The following MYO7A variants were observed in gnomAD, a reference collection of about 807,000 sequenced individuals.
MYO7A encodes myosin VIIA, also known as unconventional myosin-VIIa.
In MYO7A, 210 loss-of-function variants were observed where a neutral mutation model predicts 263.8. The observed-to-expected ratio is 0.80, with a 90% CI of 0.71 to 0.89. The LOEUF (loss-of-function observed/expected upper bound fraction) is 0.89, where lower values mean the gene tolerates loss of function less well. MYO7A is among the 40% of genes least tolerant of loss of function. The probability of loss-of-function intolerance (pLI) is 0.00; values close to 1 mark genes in which losing one functional copy is unlikely to be tolerated. For missense variants in MYO7A, 2,820 were observed against 2,968.3 expected, an observed-to-expected ratio of 0.95 and a Z score of 1.16; for synonymous variants, 1,239 against 1,197.3, an observed-to-expected ratio of 1.03 and a Z score of -0.72.
intron 20 of MYO7A, 39 bp from the exon 21 acceptor site, chr11:77,179,696 G>T: frequency 6.7e-7 from 1 of 1,493,508 alleles, no homozygotes; most frequent in Non-Finnish European, 9.0e-7. Context: ...GTCTGGAATG[G>T]GACAGCAGGC....
At chr11:77,206,726 C>T (rs1358177176) in intron 41 of MYO7A, among the ~76,000 whole-genome samples, 2 of 152,216 alleles carry the variant, frequency 1.3e-5, no homozygotes, top group Non-Finnish European at 2.9e-5. Flanking sequence ...CTGCCTGTCT[C>T]AACACAGTGT....
Position 77,157,351 on chromosome 11 carries a change from C to G in MYO7A, c.808C>G (p.Leu270Val). ...TATGAGTGAGGATCAGAAGAAGAAGCTGGGCTTGGGCCAGGCCTCTGACTA... is the reference window on the plus strand; with the variant it reads ...TATGAGTGAGGATCAGAAGAAGAAGGTGGGCTTGGGCCAGGCCTCTGACTA... Reference protein sequence around the residue: ...EGMSEDQKKKLGLGQASDYNY... With the variant: ...EGMSEDQKKKVGLGQASDYNY... The change falls in exon 8 of 49, where the codon CTG (leucine) becomes GTG (valine). Residue 270 changes from leucine to valine, a missense_variant. Transcript: ENST00000409709. 6.2e-7 allele frequency: 1 copy of G among 1,611,954 alleles called. No homozygotes were observed. Among genetic ancestry groups the G allele is most frequent in the Non-Finnish European group, 8.5e-7 (1 of 1,179,068 alleles).
At chr11:77,194,548 A>G (rs1358824358) in intron 32 of MYO7A, 24 bp downstream of exon 32, 1 of 1,570,738 alleles carries the variant, frequency 6.4e-7, no homozygotes, top group Non-Finnish European at 8.6e-7. Flanking sequence ...GAGGAGTCCT[A>G]GAGAAGGGAT....
At chr11:77,207,462 G>A (rs1957527741) in intron 42 of MYO7A, 60 bp downstream of exon 42, 1 of 1,202,730 alleles carries the variant, frequency 8.3e-7, no homozygotes, top group African/African-American at 1.5e-5. Context: ...GGAACTTACG[G>A]ACAGCAGACG....
rs1389547225 is a variant in MYO7A at position 77,182,064 on chromosome 11, C to T, written c.3018C>T (p.Ala1006=). 1.2e-6 allele frequency: 2 copies of T among 1,613,454 alleles called. No individual in the cohort carries two copies. The highest frequency in any genetic ancestry group is 1.3e-5 in the African/African-American group (1 of 74,994). ...LSEYKFAKFA[A]TYFQGTTTHS... is the part of the protein sequence containing the mutation. ...AGTATAAATTTGCCAAGTTCGCGGCCACCTACTTCCAGGGGACAACCACGC... is the reference window on the plus strand; with the variant it reads ...AGTATAAATTTGCCAAGTTCGCGGCTACCTACTTCCAGGGGACAACCACGC... Residue 1006 remains alanine, a synonymous_variant, in exon 24 of 49, where the codon GCC becomes GCT. Coordinates refer to ENST00000409709, the MANE Select transcript of MYO7A (RefSeq NM_000260.4).
intron 12 of MYO7A, 104 bp downstream of exon 12, chr11:77,161,219 C>G: frequency 1.5e-6 from 2 of 1,368,672 alleles, no homozygotes; most frequent in Non-Finnish European, 2.0e-6. Context: ...TCCTGGCACA[C>G]TCTGCCAGGC....
intron 37 of MYO7A, 59 bp from the exon 38 acceptor site, chr11:77,203,001 G>A: frequency 6.5e-7 from 1 of 1,531,586 alleles, no homozygotes; most frequent in African/African-American, 1.4e-5. Flanking sequence ...ACAACCTGGG[G>A]GTTTCTCCCC....
At chr11:77,178,020 G>A (rs1252301058) in intron 19 of MYO7A, among the ~76,000 whole-genome samples, 1 of 151,780 alleles carries the variant, frequency 6.6e-6, no homozygotes, top group Non-Finnish European at 1.5e-5. Context: ...TCTATCTAAG[G>A]GATATGTGTA....
chr11:77,134,147 T>A (rs1950846546), intron 2 of MYO7A, among the ~76,000 whole-genome samples: 1 of 152,154 alleles, frequency 6.6e-6, no homozygotes, highest in African/African-American at 2.4e-5. Flanking sequence ...GTCAGGCTGG[T>A]CTCAAACTCC....
Position 77,175,379 on chromosome 11 carries a change from T to A in MYO7A, c.2102T>A (p.Leu701His), listed in dbSNP as rs782119318. The change falls in exon 18 of 49, where the codon CTC becomes CAC. Residue 701 changes from leucine (L) to histidine (H), a missense_variant. Leu to His is a moderately conservative substitution (Grantham distance 99). Coordinates refer to ENST00000409709, the MANE Select transcript of MYO7A (RefSeq NM_000260.4). ...GVKPAYKQGD[L>H]RGTCQRMAEA... Reference sequence around the variant, plus strand: ...TCCCCATCCTCACTCCAGGGCGACCTCCGCGGGACTTGCCAGCGCATGGCT... The same window carrying A: ...TCCCCATCCTCACTCCAGGGCGACCACCGCGGGACTTGCCAGCGCATGGCT... 1.9e-6 allele frequency: 3 copies of A among 1,613,018 alleles called. No individual in the cohort carries two copies. Among genetic ancestry groups the A allele is most frequent in the South Asian group, 2.2e-5 (2 of 91,052 alleles).
intron 15 of MYO7A, among the ~76,000 whole-genome samples, chr11:77,170,107 A>G (rs1953944943): frequency 6.6e-6 from 1 of 152,186 alleles, no homozygotes; most frequent in African/African-American, 2.4e-5. Context: ...CCAATAAATA[A>G]GTAAAACCTG....
chr11:77,201,014 G>A (rs141357900), intron 35 of MYO7A, among the ~76,000 whole-genome samples: 1 of 152,370 alleles, frequency 6.6e-6, no homozygotes, highest in Non-Finnish European at 1.5e-5. Context: ...GGAGCCCAGA[G>A]GAGAGGCCCC....
chr11:77,173,320 T>C (rs1227223022), intron 16 of MYO7A, among the ~76,000 whole-genome samples: 10 of 152,216 alleles, frequency 6.6e-5, no homozygotes, highest in African/African-American at 2.4e-4. Context: ...CCCTTCTCCT[T>C]TGGCCCAGCT....
At chr11:77,204,275 G>GT (rs1957288337) in intron 39 of MYO7A, 46 bp downstream of exon 39, 3 of 1,547,186 alleles carry the variant, frequency 1.9e-6, no homozygotes, top group African/African-American at 1.4e-5. Flanking sequence ...CTCACCTGCT[G>GT]TGACGGGCAG....
chr11:77,202,188 T>C, intron 36 of MYO7A, 112 bp from the exon 37 acceptor site: 1 of 1,312,214 alleles, frequency 7.6e-7, no homozygotes, highest in Non-Finnish European at 1.0e-6. Flanking sequence ...GGGCATGGGG[T>C]CCATACCCCT....
intron 2 of MYO7A, among the ~76,000 whole-genome samples, chr11:77,140,497 C>T (rs574549823): frequency 2.0e-5 from 3 of 152,370 alleles, no homozygotes; most frequent in Admixed American, 2.0e-4. Context: ...AGTCCCCTGG[C>T]CACATGCTGT....
At position 77,208,682 on chromosome 11, in the gene MYO7A, T is replaced by C. The variant is rs369226847; in HGVS notation, c.5945-15T>C. 37 of 1,560,734 alleles carry C rather than the reference T, an allele frequency of 2.4e-5. 1 individual carries two copies. Among genetic ancestry groups the C allele is most frequent in the Middle Eastern group, 3.3e-4 (2 of 6,016 alleles). ...TGCAGGGACCCTCTGGGTGACCGACTGCCCTGTGCTGCAGGAATTGTGCCC... is the reference window on the plus strand; with the variant it reads ...TGCAGGGACCCTCTGGGTGACCGACCGCCCTGTGCTGCAGGAATTGTGCCC... On this transcript the variant is annotated splice_polypyrimidine_tract_variant and intron_variant, in intron 43 of 48. Transcript: ENST00000409709.
Position 77,192,976 on chromosome 11 carries a change from A to G in MYO7A, c.4152+698A>G, listed in dbSNP as rs960451675. ...TGATGGTGTTGGTGATGGTGGAGGT[A>G]GTTGTGATGGTGGAGGTAGTGATGC... is the stretch of plus-strand genomic sequence containing the variant. On this transcript the variant is annotated intron_variant, in intron 31 of 48. Coordinates refer to ENST00000409709, the MANE Select transcript of MYO7A (RefSeq NM_000260.4). Among the ~76,000 whole-genome samples, 4 of 14,182 alleles carry G rather than the reference A, an allele frequency of 2.8e-4. 1 individual carries two copies. Among genetic ancestry groups the G allele is most frequent in the Admixed American group, 2.7e-3 (3 of 1,104 alleles). The allele number at this position is 14,182 out of a possible 152,430, so 9.3% of individuals were successfully genotyped here.
intron 44 of MYO7A, among the ~76,000 whole-genome samples, chr11:77,210,714 C>A (rs1000660533): frequency 6.6e-6 from 1 of 152,132 alleles, no homozygotes; most frequent in African/African-American, 2.4e-5. Context: ...GGGAGGGCCT[C>A]TGCTACTGCT....
Sources: gnomAD v4.1 joint callset for allele counts (sites outside exome capture counted in the v4.1 genomes callset) on GRCh38, gnomAD v4.1.1 for gene constraint, MANE v1.5 for transcripts, NCBI Gene and HGNC (gene_info 2026-07-23, HGNC 2026-07-21) for gene names.